Variants in TMEM245 observed in about 807,000 individuals in gnomAD.
TMEM245 encodes protein CG-2.
A neutral mutation model predicts 101.2 loss-of-function variants in TMEM245; 69 were observed. The observed-to-expected ratio is 0.68, with a 90% CI of 0.56 to 0.83. The LOEUF is 0.83. TMEM245 is among the 40% of genes least tolerant of loss of function. TMEM245 has a pLI of 0.00. For synonymous variants in TMEM245, 537 were observed against 449.8 expected (o/e 1.19, Z -2.45); for missense variants, 1,075 against 1,092.8 (o/e 0.98, Z 0.23).
intron 3 of TMEM245, among the ~76,000 whole-genome samples, chr9:109,097,219 G>C (rs886432094): frequency 6.6e-6 from 1 of 152,200 alleles, no homozygotes; most frequent in African/African-American, 2.4e-5. Flanking sequence ...TGAGAGACTG[G>C]TGTCTTAGAG....
At chr9:109,107,304 C>G (rs950342375) in intron 2 of TMEM245, among the ~76,000 whole-genome samples, 1 of 150,668 alleles carries the variant, frequency 6.6e-6, no homozygotes, top group Non-Finnish European at 1.5e-5. Context: ...GGGGCTGAGA[C>G]AGGAGAATTG....
intron 5 of TMEM245, among the ~76,000 whole-genome samples, chr9:109,090,158 G>A (rs1052400455): frequency 6.6e-6 from 1 of 152,190 alleles, no homozygotes; most frequent in African/African-American, 2.4e-5. Context: ...CAACTCAGGA[G>A]GCTGAGGTGG....
At chr9:109,104,605 A>G (rs778124561) in intron 3 of TMEM245, among the ~76,000 whole-genome samples, 1 of 152,224 alleles carries the variant, frequency 6.6e-6, no homozygotes, top group Non-Finnish European at 1.5e-5. Flanking sequence ...TTTGAAAAGG[A>G]AGAACAAAGT....
At chr9:109,097,505 T>A (rs1047779733) in intron 3 of TMEM245, among the ~76,000 whole-genome samples, 1 of 152,190 alleles carries the variant, frequency 6.6e-6, no homozygotes, top group Non-Finnish European at 1.5e-5. Flanking sequence ...CCAGGTCTAT[T>A]CTTACTACTT....
intron 11 of TMEM245, among the ~76,000 whole-genome samples, chr9:109,058,777 C>A (rs1209467095): frequency 6.6e-6 from 1 of 152,034 alleles, no homozygotes; most frequent in Non-Finnish European, 1.5e-5. Flanking sequence ...CCACACCCAG[C>A]TAATTTTTTG....
At chr9:109,048,524 T>C (rs2780332) in intron 14 of TMEM245, among the ~76,000 whole-genome samples, 142,059 of 152,270 alleles carry the variant, frequency 0.93, 66,351 homozygotes, top group East Asian at 1. Context: ...GCCAAAGATT[T>C]GCTATTCAAG....
At chr9:109,097,079 G>A (rs1211842403) in intron 3 of TMEM245, among the ~76,000 whole-genome samples, 1 of 152,194 alleles carries the variant, frequency 6.6e-6, no homozygotes, top group Admixed American at 6.5e-5. Context: ...TCCATGCAGG[G>A]AGGTCTGGGA....
intron 7 of TMEM245, 143 bp downstream of exon 7, chr9:109,085,854 T>G: frequency 1.1e-6 from 1 of 897,114 alleles, no homozygotes; most frequent in Non-Finnish European, 1.8e-6. Flanking sequence ...GTATTCATGC[T>G]TCACAACCTT....
chr9:109,038,193 T>C, intron 14 of TMEM245, 76 bp from the exon 15 acceptor site: 1 of 1,101,704 alleles, frequency 9.1e-7, no homozygotes, highest in Middle Eastern at 2.0e-4. Context: ...ACGTGACCAC[T>C]TGATTCCAAA....
rs150185037 is a variant in TMEM245, at chr9:109,103,086, C to A, written c.799+3422G>T. 2.3e-4 allele frequency among the ~76,000 whole-genome samples: 35 copies of A among 152,330 alleles called. No individual in the cohort carries two copies. The East Asian group carries it at 6.6e-3, about 29-fold the overall frequency. On this transcript the variant is annotated intron_variant, in intron 3 of 17. Coordinates refer to ENST00000374586, the MANE Select transcript of TMEM245 (RefSeq NM_032012.4). ...CTTTAAAAGCACATGGTCTATTCAA[C>A]TTTGTACTAGAAATTCCAACCAGAG...
intron 8 of TMEM245, among the ~76,000 whole-genome samples, chr9:109,073,857 T>TG (rs1491153471): frequency 5.5e-5 from 2 of 36,040 alleles, no homozygotes; most frequent in Admixed American, 3.2e-4. Context: ...TTTTTTTTTG[T>TG]TTTTTTTTTT....
chr9:109,065,435 T>G (rs1471337086), intron 9 of TMEM245, among the ~76,000 whole-genome samples: 1 of 152,124 alleles, frequency 6.6e-6, no homozygotes, highest in East Asian at 1.9e-4. Context: ...TCTAAGGAAG[T>G]GAAGAAATCA....
Position 109,020,311 on chromosome 9 carries a change from C to CA in TMEM245, c.*148dup. On this transcript the variant is annotated 3_prime_UTR_variant, in exon 18 of 18. Transcript: ENST00000374586. ...AGCCCGCAGCAAGTTCTCTCTTGTC[C>CA]AGGCATTCTGTATGTAAGGCCAGGA... The CA allele has an allele frequency of 7.6e-6, 6 of 792,826 alleles. No homozygotes were observed. The highest frequency in any genetic ancestry group is 3.6e-5 in the Admixed American group (2 of 55,674). 49.1% of individuals were successfully genotyped at this position (792,826 alleles called of 1,614,324 possible).
In TMEM245 at chr9:109,119,879, C is replaced by T. The variant is rs1305674720; in HGVS notation, c.35G>A (p.Ser12Asn). The change falls in exon 1 of 18, where the codon AGC becomes AAC. Residue 12 changes from serine (S) to asparagine (N), a missense_variant. By Grantham distance (46) the Ser-to-Asn change is conservative (BLOSUM62 1). Around this residue, in one of 2 missense-constraint regions of TMEM245, gnomAD observed 808 missense variants for 741.5 expected, o/e 1.09. Transcript: ENST00000374586. ...ADGGGPKDAP[S>N]LRSSPGPAPR... ...CGCCGGCCCGGGAGAGCTCCGCAGG[C>T]TTGGCGCGTCCTTAGGGCCGCCGCC... 1.2e-5 allele frequency: 16 copies of T among 1,302,722 alleles called. No individual in the cohort carries two copies. Among genetic ancestry groups the T allele is most frequent in the Non-Finnish European group, 1.5e-5 (15 of 1,034,144 alleles). 80.7% of individuals were successfully genotyped at this position (1,302,722 alleles called of 1,614,324 possible). A position where few individuals can be genotyped will look rare whatever the true frequency, so the allele number is the denominator to read the frequency against.
chr9:109,064,949 G>A (rs1188599434), intron 9 of TMEM245, among the ~76,000 whole-genome samples: 1 of 151,944 alleles, frequency 6.6e-6, no homozygotes, highest in Admixed American at 6.6e-5. Context: ...CACCACGCCT[G>A]GCTAATTTTG....
At chr9:109,073,228 T>A in intron 9 of TMEM245, 128 bp downstream of exon 9, 1 of 709,008 alleles carries the variant, frequency 1.4e-6, no homozygotes, top group Non-Finnish European at 2.4e-6. Context: ...ATGACAATAT[T>A]TATCAAAGCT....
rs142413632 is a variant in TMEM245, at chr9:109,020,797, C to A, written c.2595-292G>T. On this transcript the variant is annotated intron_variant, in intron 17 of 17. Coordinates refer to ENST00000374586, the MANE Select transcript of TMEM245 (RefSeq NM_032012.4). Reference sequence around the variant, plus strand: ...GTAGAAGTGTTGTGCAACTTCTGGGCAGTTCCTTAAAAGAGAAGAGCAATC... The same window carrying A: ...GTAGAAGTGTTGTGCAACTTCTGGGAAGTTCCTTAAAAGAGAAGAGCAATC... Among the ~76,000 whole-genome samples, 330 of 152,302 alleles carry A rather than the reference C, an allele frequency of 2.2e-3. 3 individuals are homozygous for A. Among genetic ancestry groups the A allele is most frequent in the African/African-American group, 7.3e-3 (305 of 41,570 alleles).
At chr9:109,092,147 C>A (rs562484631) in intron 4 of TMEM245, among the ~76,000 whole-genome samples, 4 of 152,220 alleles carry the variant, frequency 2.6e-5, no homozygotes, top group African/African-American at 4.8e-5. Flanking sequence ...AAAGTCAGCT[C>A]CACCAGAGCT....
chr9:109,116,098 A>G (rs924000750), intron 1 of TMEM245, among the ~76,000 whole-genome samples: 1 of 152,212 alleles, frequency 6.6e-6, no homozygotes, highest in Non-Finnish European at 1.5e-5. Flanking sequence ...CAGATGCTCA[A>G]AAGTTGGATC....
Sources: allele counts gnomAD v4.1 joint callset (sites outside exome capture counted in the v4.1 genomes callset), GRCh38; gene constraint gnomAD v4.1.1; regional missense constraint gnomAD v4.1.1; transcripts MANE v1.5; gene names NCBI Gene and HGNC (gene_info 2026-07-23, HGNC 2026-07-21).